APBA1: variants seen among roughly 807,000 people sequenced by gnomAD.
APBA1 encodes the protein amyloid-beta A4 precursor protein-binding family A member 1.
APBA1 carries 55 observed loss-of-function variants against 86.6 expected under a neutral mutation model. That is an observed-to-expected ratio of 0.64 (90% CI 0.51 to 0.80). The LOEUF (loss-of-function observed/expected upper bound fraction) is 0.80, where lower values mean the gene tolerates loss of function less well. Ranked by LOEUF, APBA1 falls within the 30% of genes least tolerant of loss-of-function variation. The probability of loss-of-function intolerance (pLI) is 0.00; values close to 1 mark genes in which losing one functional copy is unlikely to be tolerated. For missense variants in APBA1, 1,090 were observed against 1,183.0 expected (o/e 0.92, Z 1.15); for synonymous variants, 511 against 493.9 (o/e 1.03, Z -0.46).
At position 69,570,058 on chromosome 9, in the gene APBA1, T is replaced by C. The variant is rs375108688; in HGVS notation, c.-69-52779A>G. Reference sequence around the variant, plus strand: ...AAGCTTGAGAAGGCACTTAACTCATTGCTTCTCCTTCTAGCAAAAGAGAGG... The same window carrying C: ...AAGCTTGAGAAGGCACTTAACTCATCGCTTCTCCTTCTAGCAAAAGAGAGG... On this transcript the variant is annotated intron_variant, in intron 1 of 12. Coordinates refer to ENST00000265381, the MANE Select transcript of APBA1 (RefSeq NM_001163.4). Among the ~76,000 whole-genome samples the C allele has an allele frequency of 6.6e-5, 10 of 152,352 alleles. No individual in the cohort carries two copies. In the East Asian group the frequency reaches 1.9e-3, roughly 29 times the overall value.
Position 69,547,615 on chromosome 9 carries a change from T to G in APBA1, c.-69-30336A>C, listed in dbSNP as rs573669149. Among the ~76,000 whole-genome samples, 250 of 152,366 alleles carry G rather than the reference T, an allele frequency of 1.6e-3. 1 individual carries two copies. The highest frequency in any genetic ancestry group is 5.8e-3 in the African/African-American group (240 of 41,592). On this transcript the variant is annotated intron_variant, in intron 1 of 12. Coordinates refer to ENST00000265381, the MANE Select transcript of APBA1 (RefSeq NM_001163.4). Reference sequence around the variant, plus strand: ...CATATTGAATAGGTCTCTCTTACACTAGCCACTGAAAATGCTGATTACTAG... The same window carrying G: ...CATATTGAATAGGTCTCTCTTACACGAGCCACTGAAAATGCTGATTACTAG...
At chr9:69,650,610 G>T (rs1485380481) in intron 1 of APBA1, among the ~76,000 whole-genome samples, 1 of 152,140 alleles carries the variant, frequency 6.6e-6, no homozygotes, top group Non-Finnish European at 1.5e-5. Context: ...AAATATGCAC[G>T]AATAACCTGA....
intron 1 of APBA1, among the ~76,000 whole-genome samples, chr9:69,628,100 T>C (rs1822968717): frequency 6.6e-6 from 1 of 152,174 alleles, no homozygotes; most frequent in Non-Finnish European, 1.5e-5. Context: ...GAGGATCTTC[T>C]TGCTGGCTTG....
intron 4 of APBA1, among the ~76,000 whole-genome samples, chr9:69,468,436 C>G (rs368128752): frequency 6.6e-6 from 1 of 150,728 alleles, no homozygotes; most frequent in Admixed American, 6.6e-5. Context: ...TGCCCCCCCC[C>G]ATTCATATCT....
intron 12 of APBA1, 139 bp downstream of exon 12, chr9:69,432,397 G>A: frequency 1.3e-6 from 1 of 792,660 alleles, no homozygotes; most frequent in Non-Finnish European, 1.8e-6. Flanking sequence ...TCAGAGACAG[G>A]TCTGCTTGTT....
intron 1 of APBA1, among the ~76,000 whole-genome samples, chr9:69,643,253 C>T (rs1348023896): frequency 6.6e-6 from 1 of 152,174 alleles, no homozygotes; most frequent in Non-Finnish European, 1.5e-5. Context: ...CCCATGAAGA[C>T]TTTCTTCACC....
intron 1 of APBA1, among the ~76,000 whole-genome samples, chr9:69,583,721 A>G (rs1821961636): frequency 6.6e-6 from 1 of 152,236 alleles, no homozygotes; most frequent in African/African-American, 2.4e-5. Flanking sequence ...AGCCTTAGAT[A>G]GCAGCAGTTT....
intron 1 of APBA1, among the ~76,000 whole-genome samples, chr9:69,541,185 T>C (rs1836603191): frequency 6.6e-6 from 1 of 152,194 alleles, no homozygotes; most frequent in African/African-American, 2.4e-5. Context: ...TTGATTTCAA[T>C]TCTTTTGGTG....
rs1363176376 is a variant in APBA1, at chr9:69,432,620, G to A, written c.2358C>T (p.His786=). 1 of 1,606,182 alleles carries A rather than the reference G, an allele frequency of 6.2e-7. No homozygotes were observed. The highest frequency in any genetic ancestry group is 8.5e-7 in the Non-Finnish European group (1 of 1,176,768). The part of the protein sequence containing the change: ...IAERGGVRVG[H]RIIEINGQSV... ...TCTGTCCATTGATTTCAATGATCCG[G>A]TGCCCCACACGGACGCCTCCTCTCT... The change falls in exon 12 of 13, where the codon CAC becomes CAT. Residue 786 remains histidine (H), a synonymous_variant. Coordinates refer to ENST00000265381, the MANE Select transcript of APBA1 (RefSeq NM_001163.4).
intron 1 of APBA1, among the ~76,000 whole-genome samples, chr9:69,657,321 G>T (rs1823632823): frequency 6.6e-6 from 1 of 152,230 alleles, no homozygotes; most frequent in Admixed American, 6.5e-5. Flanking sequence ...AGTGGATTTT[G>T]CTTGAGATTC....
chr9:69,450,056 GTTTTTTTTTTTT>G (rs58417611), intron 9 of APBA1, among the ~76,000 whole-genome samples: 2 of 94,162 alleles, frequency 2.1e-5, no homozygotes, highest in Non-Finnish European at 4.0e-5. Flanking sequence ...AGGACCACCA[GTTTTTTTTTTTT>G]TTTTTTTTTT....
At chr9:69,463,899 C>T (rs1214815518) in intron 5 of APBA1, 2 of 152,228 alleles carry the variant, frequency 1.3e-5, no homozygotes, top group African/African-American at 4.8e-5. Flanking sequence ...TTTTCTTTCT[C>T]CTTCCTTCCT....
In APBA1 at chr9:69,658,548, G is replaced by GT. The variant is rs1319161747; in HGVS notation, c.-70+13604dup. 2.1e-5 allele frequency among the ~76,000 whole-genome samples: 3 copies of GT among 145,038 alleles called. No individual in the cohort carries two copies. In the East Asian group the frequency reaches 6.1e-4, roughly 30 times the overall value. The stretch of plus-strand genomic sequence containing the variant: ...CTCCTGAGTAGCTGGGATTACAGGC[G>GT]TGCACCACCATGCCCAGCTAATTTT... On this transcript the variant is annotated intron_variant, in intron 1 of 12. Transcript: ENST00000265381.
chr9:69,451,189 C>T (rs1368406669), intron 9 of APBA1, among the ~76,000 whole-genome samples: 1 of 152,184 alleles, frequency 6.6e-6, no homozygotes, highest in Non-Finnish European at 1.5e-5. Flanking sequence ...CATGGAGCTT[C>T]CCTCTGGACA....
intron 1 of APBA1, among the ~76,000 whole-genome samples, chr9:69,559,658 C>A (rs187464071): frequency 6.6e-6 from 1 of 152,108 alleles, no homozygotes; most frequent in African/African-American, 2.4e-5. Flanking sequence ...GTTGTTATTC[C>A]AATGTGTTTT....
At chr9:69,622,482 T>C (rs997107424) in intron 1 of APBA1, among the ~76,000 whole-genome samples, 4 of 152,132 alleles carry the variant, frequency 2.6e-5, no homozygotes, top group African/African-American at 9.7e-5. Context: ...TTTGAAGTCA[T>C]TCAGTAACAA....
intron 1 of APBA1, among the ~76,000 whole-genome samples, chr9:69,586,416 G>A (rs999253704): frequency 1.3e-5 from 2 of 152,162 alleles, no homozygotes; most frequent in African/African-American, 4.8e-5. Context: ...TATTTGTTGA[G>A]TGACCATAAC....
At chr9:69,600,810 A>T (rs1362299127) in intron 1 of APBA1, among the ~76,000 whole-genome samples, 5 of 148,576 alleles carry the variant, frequency 3.4e-5, no homozygotes, top group Non-Finnish European at 7.5e-5. Context: ...AAATAATAAT[A>T]AATAAATAAA....
intron 1 of APBA1, among the ~76,000 whole-genome samples, chr9:69,568,414 A>G (rs1265875706): frequency 6.6e-6 from 1 of 152,222 alleles, no homozygotes; most frequent in Non-Finnish European, 1.5e-5. Flanking sequence ...TTCAAAATAG[A>G]AGAGAACTAA....
Sources: allele counts gnomAD v4.1 joint callset (sites outside exome capture counted in the v4.1 genomes callset), GRCh38; gene constraint gnomAD v4.1.1; transcripts MANE v1.5; gene names NCBI Gene and HGNC (gene_info 2026-07-23, HGNC 2026-07-21).